Variants in PTPRK observed in about 807,000 individuals in gnomAD.
PTPRK encodes protein tyrosine phosphatase receptor type K, also known as receptor-type tyrosine-protein phosphatase kappa.
In PTPRK, 75 loss-of-function variants were observed where a neutral mutation model predicts 178.0. That is an observed-to-expected ratio of 0.42 (90% CI 0.35 to 0.51). PTPRK has a LOEUF of 0.51. Ranked by LOEUF, PTPRK falls within the 20% of genes least tolerant of loss-of-function variation. The pLI is 0.02. For missense variants in PTPRK, 1,441 were observed against 1,797.8 expected, an observed-to-expected ratio of 0.80 and a Z score of 3.59; for synonymous variants, 637 against 620.6, an observed-to-expected ratio of 1.03 and a Z score of -0.39.
intron 3 of PTPRK, among the ~76,000 whole-genome samples, chr6:128,317,997 A>G (rs2128319235): frequency 6.6e-6 from 1 of 152,312 alleles, no homozygotes; most frequent in Admixed American, 6.5e-5. Flanking sequence ...TCATGAGCAG[A>G]GTCACTTACA....
chr6:128,085,309 C>T (rs891938367), intron 8 of PTPRK: 1 of 152,252 alleles, frequency 6.6e-6, no homozygotes, highest in South Asian at 2.1e-4. Context: ...CCAGTGAGAG[C>T]CCCTCTGCAC....
chr6:128,324,673 G>A (rs1050676516), intron 2 of PTPRK, among the ~76,000 whole-genome samples: 4 of 152,030 alleles, frequency 2.6e-5, no homozygotes, highest in Non-Finnish European at 4.4e-5. Flanking sequence ...CACATTCTCC[G>A]AGTGCTCTGG....
Position 128,240,113 on chromosome 6 carries a change from C to G in PTPRK, c.615G>C (p.Glu205Asp), listed in dbSNP as rs565466379. The G allele has an allele frequency of 1.9e-6, 3 of 1,613,892 alleles. No homozygotes were observed. The highest frequency in any genetic ancestry group is 2.5e-6 in the Non-Finnish European group (3 of 1,179,904). Reference protein sequence around the residue: ...SPHFLRLGDVEVNAGQNATFQ... With the variant: ...SPHFLRLGDVDVNAGQNATFQ... ...ATGTAGCGTTTTGCCCTGCATTCAC[C>G]TCTACATCCCCTAGACGGAGGAAAT... The change falls in exon 5 of 30, where the codon GAG becomes GAC. Residue 205 changes from glutamate (E) to aspartate (D), a missense_variant. Around this residue, in one of 4 missense-constraint regions of PTPRK, gnomAD observed 945 missense variants for 1,080.6 expected, o/e 0.87. Coordinates refer to ENST00000368226, the MANE Select transcript of PTPRK (RefSeq NM_002844.4).
intron 12 of PTPRK, among the ~76,000 whole-genome samples, chr6:128,067,291 C>T (rs541867860): frequency 6.6e-6 from 1 of 152,112 alleles, no homozygotes; most frequent in Admixed American, 6.5e-5. Flanking sequence ...GAGGAAGGCT[C>T]GAGTAGAAGC....
At chr6:128,343,661 T>C (rs1031943911) in intron 2 of PTPRK, among the ~76,000 whole-genome samples, 1 of 152,112 alleles carries the variant, frequency 6.6e-6, no homozygotes, top group African/African-American at 2.4e-5. Context: ...TATAGCACAG[T>C]TAAAGTTCTA....
rs747047747 is a variant in PTPRK, at chr6:128,184,602, C to T, written c.992G>A (p.Arg331Gln). ...GPIILKEVEY[R>Q]MTSGSWTETH... ...TTCTGTCCAGGATCCTGATGTCATT[C>T]GGTACTCTACTTCTTTCAGGATGAT... Residue 331 changes from arginine to glutamine, a missense_variant, in exon 7 of 30, where the codon CGA (arginine) becomes CAA (glutamine). By Grantham distance (43) the Arg-to-Gln change is conservative. Coordinates refer to ENST00000368226, the MANE Select transcript of PTPRK (RefSeq NM_002844.4). 9 of 1,613,820 alleles carry T rather than the reference C, an allele frequency of 5.6e-6. No homozygotes were observed. The African/African-American group carries it at 6.7e-5, about 12-fold the overall frequency.
intron 7 of PTPRK, among the ~76,000 whole-genome samples, chr6:128,096,591 A>C (rs1787937275): frequency 6.6e-6 from 1 of 152,166 alleles, no homozygotes; most frequent in Non-Finnish European, 1.5e-5. Flanking sequence ...GTCAGAGAAA[A>C]ATAGAAGATG....
chr6:128,413,993 G>A (rs943174588), intron 1 of PTPRK, among the ~76,000 whole-genome samples: 2 of 152,050 alleles, frequency 1.3e-5, no homozygotes, highest in East Asian at 1.9e-4. Context: ...ATAGTACTGG[G>A]ATTCTGATAG....
At chr6:128,090,091 A>C in intron 7 of PTPRK, 99 bp from the exon 8 acceptor site, 1 of 950,920 alleles carries the variant, frequency 1.1e-6, no homozygotes, top group Admixed American at 2.5e-5. Flanking sequence ...GCAAATCTAG[A>C]AAATGTGGAA....
intron 5 of PTPRK, among the ~76,000 whole-genome samples, chr6:128,233,474 G>A (rs1812649429): frequency 1.3e-5 from 2 of 152,236 alleles, no homozygotes; most frequent in South Asian, 4.1e-4. Context: ...GGTACAGTAG[G>A]GGGTCAGCCT....
chr6:128,409,878 G>C (rs979745681), intron 1 of PTPRK, among the ~76,000 whole-genome samples: 5 of 152,134 alleles, frequency 3.3e-5, no homozygotes, highest in Non-Finnish European at 7.3e-5. Context: ...ATGTGGAACT[G>C]TAAGTCCATT....
intron 1 of PTPRK, among the ~76,000 whole-genome samples, chr6:128,423,634 C>T (rs1843748268): frequency 6.6e-6 from 1 of 151,794 alleles, no homozygotes; most frequent in Admixed American, 6.6e-5. Context: ...TCAAGACCAA[C>T]CTGACCAAGA....
At chr6:128,297,013 T>C (rs909977130) in intron 3 of PTPRK, among the ~76,000 whole-genome samples, 1 of 150,866 alleles carries the variant, frequency 6.6e-6, no homozygotes, top group Non-Finnish European at 1.5e-5. Context: ...AGGCTCAAAA[T>C]AAAAGGATGG....
intron 3 of PTPRK, among the ~76,000 whole-genome samples, chr6:128,278,344 G>A (rs1821110909): frequency 6.6e-6 from 1 of 151,952 alleles, no homozygotes; most frequent in African/African-American, 2.4e-5. Flanking sequence ...TTTTAGTAGA[G>A]ACAGTGTTTC....
At chr6:128,017,936 C>T (rs1779803265) in intron 13 of PTPRK, among the ~76,000 whole-genome samples, 1 of 149,738 alleles carries the variant, frequency 6.7e-6, no homozygotes, top group Admixed American at 6.7e-5. Flanking sequence ...CTGCAGAGGT[C>T]CTCTGAGAAC....
In PTPRK at chr6:128,256,331, T is replaced by A. The variant is rs142420071; in HGVS notation, c.496-13729A>T. Among the ~76,000 whole-genome samples the A allele has an allele frequency of 4.6e-3, 693 of 152,226 alleles. 2 individuals carry two copies. Among genetic ancestry groups the A allele is most frequent in the Non-Finnish European group, 8.4e-3 (568 of 68,000 alleles). ...AGTGAGCACACACTATTCTAGCCGC[T>A]AGGGATACGAAGATGGATAAAAGGC... is the stretch of plus-strand genomic sequence containing the variant. On this transcript the variant is annotated intron_variant, in intron 3 of 29. Transcript: ENST00000368226.
intron 11 of PTPRK, among the ~76,000 whole-genome samples, chr6:128,073,098 T>C (rs1425036676): frequency 2.6e-5 from 4 of 152,070 alleles, no homozygotes; most frequent in African/African-American, 4.8e-5. Context: ...TAAAAATAGT[T>C]TTTTAGGTAT....
Position 127,970,109 on chromosome 6 carries a change from A to T in PTPRK, c.*118T>A. 2.9e-6 allele frequency: 2 copies of T among 681,540 alleles called. No homozygotes were observed. Among genetic ancestry groups the T allele is most frequent in the Non-Finnish European group, 4.8e-6 (2 of 418,406 alleles). The allele number at this position is 681,540 out of a possible 1,614,324, so 42.2% of individuals were successfully genotyped here. On this transcript the variant is annotated 3_prime_UTR_variant, in exon 30 of 30. Coordinates refer to ENST00000368226, the MANE Select transcript of PTPRK (RefSeq NM_002844.4). ...AAAAATACTTTTACCTCTCAAATGT[A>T]AAAGTCTCCCACCCCCCACATTAAA...
At chr6:128,210,490 A>G (rs568527627) in intron 6 of PTPRK, among the ~76,000 whole-genome samples, 1 of 152,202 alleles carries the variant, frequency 6.6e-6, no homozygotes, top group African/African-American at 2.4e-5. Flanking sequence ...GCTGAAAGGA[A>G]TAAGAATGTA....
Sources: allele counts gnomAD v4.1 joint callset (sites outside exome capture counted in the v4.1 genomes callset), GRCh38; gene constraint gnomAD v4.1.1; regional missense constraint gnomAD v4.1.1; transcripts MANE v1.5; gene names NCBI Gene and HGNC (gene_info 2026-07-23, HGNC 2026-07-21).